The following TUSC3 variants were observed in gnomAD, a reference collection of about 807,000 sequenced individuals.
The protein encoded by TUSC3 is tumor suppressor candidate 3.
A neutral mutation model predicts 44.8 loss-of-function variants in TUSC3; 45 were observed. That is an observed-to-expected ratio of 1.00 (90% confidence interval 0.79 to 1.29). The LOEUF is 1.29. TUSC3 is among the 50% of genes most tolerant of loss of function. The pLI is 0.00. For synonymous variants in TUSC3, 212 were observed against 152.9 expected (o/e 1.39, Z -2.85); for missense variants, 519 against 437.9 (o/e 1.19, Z -1.65).
the TUSC3 span, among the ~76,000 whole-genome samples, chr8:15,786,880 G>A: frequency 6.8e-6 from 1 of 147,020 alleles, no homozygotes; most frequent in Non-Finnish European, 1.5e-5. Flanking sequence ...GGAGGCAGAG[G>A]TTGCAGTGAG....
chr8:15,667,830 A>G (rs151220039), intron 5 of TUSC3, among the ~76,000 whole-genome samples: 42 of 151,924 alleles, frequency 2.8e-4, no homozygotes, highest in African/African-American at 9.9e-4. Flanking sequence ...AGTTCGTTGT[A>G]TAGAATAGTT....
chr8:15,422,724 T>C (rs1045672195), intron 1 of TUSC3, among the ~76,000 whole-genome samples: 3 of 152,050 alleles, frequency 2.0e-5, no homozygotes, highest in Admixed American at 2.0e-4. Context: ...TGATCAAAGG[T>C]CACTGTAGCT....
At chr8:15,779,131 T>C in the TUSC3 span, among the ~76,000 whole-genome samples, 1 of 147,030 alleles carries the variant, frequency 6.8e-6, no homozygotes, top group Non-Finnish European at 1.5e-5. Flanking sequence ...ACGTTACTTC[T>C]AGTAAAAGAG....
At chr8:15,423,010 A>G (rs1361953772) in intron 1 of TUSC3, among the ~76,000 whole-genome samples, 2 of 152,214 alleles carry the variant, frequency 1.3e-5, no homozygotes, top group African/African-American at 4.8e-5. Context: ...GTTGTAAATG[A>G]TAAATATATA....
chr8:15,420,315 G>A (rs1799722725), intron 1 of TUSC3, among the ~76,000 whole-genome samples: 1 of 151,954 alleles, frequency 6.6e-6, no homozygotes, highest in Non-Finnish European at 1.5e-5. Context: ...TGGCCAACAT[G>A]GGGAAACCTC....
intron 1 of TUSC3, among the ~76,000 whole-genome samples, chr8:15,609,846 A>G (rs899947087): frequency 2.0e-5 from 3 of 152,112 alleles, no homozygotes; most frequent in Admixed American, 6.6e-5. Flanking sequence ...ACATGACTTT[A>G]TGACCTATCT....
chr8:15,667,825 G>C (rs543488956), intron 5 of TUSC3, among the ~76,000 whole-genome samples: 1 of 151,704 alleles, frequency 6.6e-6, no homozygotes, highest in Non-Finnish European at 1.5e-5. Flanking sequence ...ATGAAAGTTC[G>C]TTGTATAGAA....
intron 2 of TUSC3, among the ~76,000 whole-genome samples, chr8:15,649,305 C>T (rs972042384): frequency 6.6e-6 from 1 of 152,060 alleles, no homozygotes; most frequent in African/African-American, 2.4e-5. Context: ...AGAAGTTTAG[C>T]CGGGCGCGGT....
intron 1 of TUSC3, among the ~76,000 whole-genome samples, chr8:15,437,692 C>T (rs887926762): frequency 3.3e-5 from 5 of 152,184 alleles, no homozygotes; most frequent in Non-Finnish European, 5.9e-5. Context: ...AGAGGCAACA[C>T]TTGGCCCTGT....
chr8:15,730,559 A>C (rs1810677902), intron 6 of TUSC3, 107 bp from the exon 7 acceptor site: 1 of 1,059,822 alleles, frequency 9.4e-7, no homozygotes, highest in Non-Finnish European at 1.4e-6. Context: ...ATAAAAAATT[A>C]GTAAAAATCG....
chr8:15,801,158 T>C, the TUSC3 span, among the ~76,000 whole-genome samples: 5 of 152,216 alleles, frequency 3.3e-5, no homozygotes, highest in Non-Finnish European at 7.3e-5. Flanking sequence ...GTTGCCCATT[T>C]TTAATGGTTA....
At chr8:15,514,061 C>T (rs934627222) in intron 2 of TUSC3, among the ~76,000 whole-genome samples, 1 of 152,154 alleles carries the variant, frequency 6.6e-6, no homozygotes, top group African/African-American at 2.4e-5. Flanking sequence ...GTCAAGGTCC[C>T]TTCTATGCGC....
At chr8:15,785,856 C>T in the TUSC3 span, among the ~76,000 whole-genome samples, 6 of 151,888 alleles carry the variant, frequency 4.0e-5, no homozygotes, top group Non-Finnish European at 5.9e-5. Flanking sequence ...CTAACTTATC[C>T]TCCTGGATAG....
chr8:15,569,286 A>G (rs6989361), intron 1 of TUSC3, among the ~76,000 whole-genome samples: 2 of 152,124 alleles, frequency 1.3e-5, no homozygotes, highest in Non-Finnish European at 2.9e-5. Context: ...ATATCTCTAT[A>G]TAGTTTTTCT....
chr8:15,658,351 G>A (rs1181765840), intron 3 of TUSC3, among the ~76,000 whole-genome samples: 1 of 152,088 alleles, frequency 6.6e-6, no homozygotes, highest in Non-Finnish European at 1.5e-5. Flanking sequence ...AATAATGACT[G>A]CTGTAGTCAG....
the TUSC3 span, among the ~76,000 whole-genome samples, chr8:15,819,191 A>G: frequency 2.0e-5 from 3 of 152,112 alleles, no homozygotes; most frequent in Non-Finnish European, 4.4e-5. Context: ...GTGATTTAGC[A>G]TTTTTCTAGA....
intron 6 of TUSC3, among the ~76,000 whole-genome samples, chr8:15,676,269 G>GTC (rs1338129566): frequency 6.6e-6 from 1 of 152,078 alleles, no homozygotes. Flanking sequence ...CCGCTTATCT[G>GTC]TCTTCTTTTC....
intron 2 of TUSC3, among the ~76,000 whole-genome samples, chr8:15,512,842 ATTTGTGTG>A (rs1563270812): frequency 3.0e-4 from 41 of 136,960 alleles, no homozygotes; most frequent in Admixed American, 3.0e-4. Context: ...GTGTATATAT[ATTTGTGTG>A]TGTGTGTATA....
At chr8:15,702,193 A>G (rs1375222884) in intron 6 of TUSC3, among the ~76,000 whole-genome samples, 2 of 152,144 alleles carry the variant, frequency 1.3e-5, no homozygotes, top group Non-Finnish European at 2.9e-5. Context: ...TACTCTTAAA[A>G]GACTTTTCAT....
Sources: gnomAD v4.1 joint callset for allele counts (sites outside exome capture counted in the v4.1 genomes callset) on GRCh38, gnomAD v4.1.1 for gene constraint, MANE v1.5 for transcripts, NCBI Gene and HGNC (gene_info 2026-07-23, HGNC 2026-07-21) for gene names.